RNF123: variants seen among roughly 807,000 people sequenced by gnomAD.
The protein encoded by RNF123 is E3 ubiquitin-protein ligase RNF123.
Under a neutral mutation model 168.5 loss-of-function variants are expected in RNF123, and 86 were observed. The observed-to-expected ratio is 0.51, with a 90% CI of 0.43 to 0.61. The LOEUF (loss-of-function observed/expected upper bound fraction) is 0.61, where lower values mean the gene tolerates loss of function less well. Among genes scored for constraint, RNF123 ranks in the 20% least tolerant of loss-of-function variants. The probability of loss-of-function intolerance (pLI) is 0.00; values close to 1 mark genes in which losing one functional copy is unlikely to be tolerated. For missense variants in RNF123, 1,419 were observed against 1,729.7 expected, an observed-to-expected ratio of 0.82 and a Z score of 3.19; for synonymous variants, 666 against 689.1, an observed-to-expected ratio of 0.97 and a Z score of 0.52.
chr3:49,711,364 C>T (rs1054842692), intron 26 of RNF123, among the ~76,000 whole-genome samples: 6 of 152,172 alleles, frequency 3.9e-5, no homozygotes, highest in African/African-American at 9.7e-5. Flanking sequence ...CATCTCCCTC[C>T]AGCACAGGCT....
chr3:49,704,384 TAAAG>T (rs962512390), intron 21 of RNF123, among the ~76,000 whole-genome samples: 2 of 152,044 alleles, frequency 1.3e-5, no homozygotes, highest in African/African-American at 2.4e-5. Context: ...CTATGTAGAA[TAAAG>T]AAAGTCAATT....
rs1412011077 is a variant in RNF123 at position 49,701,177 on chromosome 3, G to A, written c.1278-314G>A. Among the ~76,000 whole-genome samples, 3 of 152,256 alleles carry A rather than the reference G, an allele frequency of 2.0e-5. No homozygotes were observed. In the East Asian group the frequency reaches 5.8e-4, roughly 29 times the overall value. On this transcript the variant is annotated intron_variant, in intron 15 of 38. Coordinates refer to ENST00000327697, the MANE Select transcript of RNF123 (RefSeq NM_022064.5). ...CCAGCCTCCAGGAGGCAGACACAAA[G>A]CTGGGAGACACAGAGGTCAGAGTTG... is the stretch of plus-strand genomic sequence containing the variant.
At position 49,712,484 on chromosome 3, in the gene RNF123, G is replaced by T. The variant is rs1318955785; in HGVS notation, c.2502G>T (p.Lys834Asn). The change falls in exon 27 of 39, where the codon AAG becomes AAT. Residue 834 changes from lysine (K) to asparagine (N), a missense_variant. This residue lies in a region of RNF123 where 538 missense variants were observed against 708.8 expected (regional missense o/e 0.76). Transcript: ENST00000327697. ...ACCCCGTGTGCCTCCTGCAGGAGAAGATGCTGGACATCTACTGGCTGCTGC... is the reference window on the plus strand; with the variant it reads ...ACCCCGTGTGCCTCCTGCAGGAGAATATGCTGGACATCTACTGGCTGCTGC... ...WVHATVYSQE[K>N]MLDIYWLLRV... 1.2e-6 allele frequency: 2 copies of T among 1,614,056 alleles called. No individual in the cohort carries two copies. Among genetic ancestry groups the T allele is most frequent in the African/African-American group, 1.3e-5 (1 of 75,064 alleles).
intron 21 of RNF123, 80 bp downstream of exon 21, chr3:49,703,608 T>A: frequency 8.6e-7 from 1 of 1,166,782 alleles, no homozygotes; most frequent in Non-Finnish European, 1.2e-6. Flanking sequence ...CTGTGGATGC[T>A]GAGCCATCCT....
intron 3 of RNF123, among the ~76,000 whole-genome samples, chr3:49,692,593 G>A (rs1027394799): frequency 6.6e-5 from 10 of 151,946 alleles, no homozygotes; most frequent in Non-Finnish European, 1.5e-4. Flanking sequence ...TTTTTTGTAC[G>A]CATTAGCCAT....
intron 12 of RNF123, 192 bp from the exon 13 acceptor site, chr3:49,700,035 C>T: frequency 2.6e-6 from 2 of 774,722 alleles, no homozygotes; most frequent in Non-Finnish European, 4.1e-6. Context: ...GTGTGCCAAG[C>T]CTTAGAGGAG....
In RNF123 at chr3:49,697,392, A is replaced by G. The variant is rs759539741; in HGVS notation, c.277A>G (p.Thr93Ala). ...GQVEGRLGPS[T>A]VVLDHTGGFE... Reference sequence around the variant, plus strand: ...GGTTGAAGGGCGGCTTGGCCCATCCACTGTGGTCCTGGACCACACAGGCGG... The same window carrying G: ...GGTTGAAGGGCGGCTTGGCCCATCCGCTGTGGTCCTGGACCACACAGGCGG... Residue 93 changes from threonine (T) to alanine (A), a missense_variant, in exon 5 of 39, where the codon ACT becomes GCT. Thr to Ala is a moderately conservative substitution (Grantham distance 58, BLOSUM62 0). Around this residue, in one of 5 missense-constraint regions of RNF123, gnomAD observed 318 missense variants for 446.6 expected, o/e 0.71. Coordinates refer to ENST00000327697, the MANE Select transcript of RNF123 (RefSeq NM_022064.5). 6.2e-7 allele frequency: 1 copy of G among 1,609,590 alleles called. No homozygotes were observed. The highest frequency in any genetic ancestry group is 2.2e-5 in the East Asian group (1 of 44,820).
rs910370023 is a variant in RNF123 at position 49,701,355 on chromosome 3, C to T, written c.1278-136C>T. ...CAGGGAGCATGCCCTGGGGGTCAGA[C>T]ACATAGCAGCAACATGCCCCTGTGG... On this transcript the variant is annotated intron_variant, in intron 15 of 38. Coordinates refer to ENST00000327697, the MANE Select transcript of RNF123 (RefSeq NM_022064.5). 5 of 724,824 alleles carry T rather than the reference C, an allele frequency of 6.9e-6. No homozygotes were observed. In the East Asian group the frequency reaches 1.2e-4, roughly 18 times the overall value. 44.9% of individuals were successfully genotyped at this position (724,824 alleles called of 1,614,324 possible). A position where few individuals can be genotyped will look rare whatever the true frequency, so the allele number is the denominator to read the frequency against.
intron 31 of RNF123, among the ~76,000 whole-genome samples, chr3:49,714,831 C>G (rs979812313): frequency 6.6e-5 from 10 of 152,244 alleles, no homozygotes; most frequent in African/African-American, 2.4e-4. Context: ...CTCATGTAGT[C>G]TGTTTCTGCC....
rs1428279330 is a variant in RNF123 at position 49,716,071 on chromosome 3, A to T, written c.3340-31A>T. 4 of 1,613,688 alleles carry T rather than the reference A, an allele frequency of 2.5e-6. No homozygotes were observed. The East Asian group carries it at 6.7e-5, about 27-fold the overall frequency. On this transcript the variant is annotated intron_variant, in intron 33 of 38. Coordinates refer to ENST00000327697, the MANE Select transcript of RNF123 (RefSeq NM_022064.5). ...GGATGCCCCATTGATGACGCTCCCC[A>T]TCCACCAATGGACTCCTGCTCCCCT...
In RNF123 at chr3:49,715,934, C is replaced by G; in HGVS notation, c.3263C>G (p.Thr1088Ser). The G allele has an allele frequency of 6.2e-7, 1 of 1,614,088 alleles. No individual in the cohort carries two copies. Among genetic ancestry groups the G allele is most frequent in the Non-Finnish European group, 8.5e-7 (1 of 1,180,044 alleles). ...SVSLLRVLEMTITLVPEIFLD... is the reference protein window; with the variant it reads ...SVSLLRVLEMSITLVPEIFLD... ...AGCCTGCTGCGTGTCTTGGAGATGA[C>G]TATCACACTGGTGCCTGAGATATTC... The change falls in exon 33 of 39, where the codon ACT becomes AGT. Residue 1088 changes from threonine to serine, a missense_variant. Physicochemically the swap from Thr to Ser is moderately conservative, Grantham distance 58. Around this residue, in one of 5 missense-constraint regions of RNF123, gnomAD observed 538 missense variants for 708.8 expected, o/e 0.76. Transcript: ENST00000327697.
chr3:49,696,893 G>T (rs1001915785), intron 3 of RNF123, among the ~76,000 whole-genome samples: 2 of 152,094 alleles, frequency 1.3e-5, no homozygotes, highest in African/African-American at 4.8e-5. Flanking sequence ...TGATCTGCCC[G>T]CCTCGGCCTC....
chr3:49,699,587 G>A lies in RNF123; in HGVS notation c.879+5G>A, dbSNP rs2054334355. 1 of 1,613,506 alleles carries A rather than the reference G, an allele frequency of 6.2e-7. No individual in the cohort carries two copies. The highest frequency in any genetic ancestry group is 8.5e-7 in the Non-Finnish European group (1 of 1,179,782). On this transcript the variant is annotated splice_donor_5th_base_variant and intron_variant, in intron 11 of 38. Coordinates refer to ENST00000327697, the MANE Select transcript of RNF123 (RefSeq NM_022064.5). This position sits in a 1 kb window ranked among gnomAD's most constrained non-coding sequence, Gnocchi z 4.8. ...AGTGTGGAGCTGGACCCTGTGGTGAGCTGGGGTCTGGGCCAGGCGGGGTGG... is the reference window on the plus strand; with the variant it reads ...AGTGTGGAGCTGGACCCTGTGGTGAACTGGGGTCTGGGCCAGGCGGGGTGG...
chr3:49,705,399 C>T, intron 23 of RNF123, 135 bp from the exon 24 acceptor site: 7 of 1,339,852 alleles, frequency 5.2e-6, no homozygotes, highest in South Asian at 3.0e-5. Context: ...CCCCTACCCC[C>T]ATGCCCCCAT....
At chr3:49,720,402 A>AG (rs1017623961) in intron 35 of RNF123, 109 bp from the exon 36 acceptor site, 201 of 1,125,386 alleles carry the variant, frequency 1.8e-4, no homozygotes, top group African/African-American at 1.1e-3. Context: ...GAAAGGATGC[A>AG]GGGGGGGTGA....
In RNF123 at chr3:49,701,805, G is replaced by A. The variant is rs1396259305; in HGVS notation, c.1396-6G>A. 3 of 1,567,754 alleles carry A rather than the reference G, an allele frequency of 1.9e-6. 1 individual carries two copies. The highest frequency in any genetic ancestry group is 4.6e-5 in the East Asian group (2 of 43,164). The stretch of plus-strand genomic sequence containing the variant: ...CTGCTGTATTCCACCTGCTACCCCT[G>A]CCTAGGGCAAAGAGAGCACGGAGAT... On this transcript the variant is annotated splice_polypyrimidine_tract_variant and splice_region_variant and intron_variant, in intron 16 of 38. Coordinates refer to ENST00000327697, the MANE Select transcript of RNF123 (RefSeq NM_022064.5).
intron 31 of RNF123, 161 bp from the exon 32 acceptor site, chr3:49,715,414 C>A: frequency 1.2e-6 from 1 of 836,118 alleles, no homozygotes; most frequent in Non-Finnish European, 1.8e-6. Context: ...CAACTAACTC[C>A]AAGGCAGCTG....
chr3:49,719,419 A>G (rs201373126), intron 35 of RNF123: 4 of 1,613,626 alleles, frequency 2.5e-6, no homozygotes, highest in East Asian at 2.2e-5. Context: ...GCCTAACCCA[A>G]CGCGCAGCAT....
rs1417643987 is a variant in RNF123, at chr3:49,715,982, C to T, written c.3311C>T (p.Ser1104Phe). 6.2e-7 allele frequency: 1 copy of T among 1,613,926 alleles called. No homozygotes were observed. Among genetic ancestry groups the T allele is most frequent in the African/African-American group, 1.3e-5 (1 of 74,954 alleles). ...TTCCTTGACTGGACCCGGCCTACCTCTGAGATGCTGCTGCGGCGTCTTGCA... is the reference window on the plus strand; with the variant it reads ...TTCCTTGACTGGACCCGGCCTACCTTTGAGATGCTGCTGCGGCGTCTTGCA... ...EIFLDWTRPT[S>F]EMLLRRLAQL... Residue 1104 changes from serine (S) to phenylalanine (F), a missense_variant, in exon 33 of 39, where the codon TCT (serine) becomes TTT (phenylalanine). Coordinates refer to ENST00000327697, the MANE Select transcript of RNF123 (RefSeq NM_022064.5).
Sources: allele counts gnomAD v4.1 joint callset (sites outside exome capture counted in the v4.1 genomes callset), GRCh38; gene constraint gnomAD v4.1.1; regional missense constraint gnomAD v4.1.1; non-coding constraint Gnocchi (gnomAD v3.1); transcripts MANE v1.5; gene names NCBI Gene and HGNC (gene_info 2026-07-23, HGNC 2026-07-21).